Variants in AFG1L observed in about 807,000 individuals in gnomAD.
AFG1L encodes the protein AFG1-like ATPase.
In AFG1L, 53 loss-of-function variants were observed where a neutral mutation model predicts 62.2. That is an observed-to-expected ratio of 0.85 (90% CI 0.68 to 1.07). The LOEUF is 1.07. Ranked by LOEUF, AFG1L falls within the 50% of genes least tolerant of loss-of-function variation. The probability of loss-of-function intolerance (pLI) is 0.00; values close to 1 mark genes in which losing one functional copy is unlikely to be tolerated. For synonymous variants in AFG1L, 228 were observed against 210.3 expected, an observed-to-expected ratio of 1.08 and a Z score of -0.73; for missense variants, 555 against 590.5, an observed-to-expected ratio of 0.94 and a Z score of 0.62.
chr6:108,381,194 A>G (rs1233316897), intron 6 of AFG1L, among the ~76,000 whole-genome samples: 1 of 152,238 alleles, frequency 6.6e-6, no homozygotes, highest in Non-Finnish European at 1.5e-5. Context: ...CCATAGGAAT[A>G]GGAAATTATT....
At chr6:108,309,046 T>C (rs1294458384) in intron 1 of AFG1L, among the ~76,000 whole-genome samples, 1 of 152,198 alleles carries the variant, frequency 6.6e-6, no homozygotes, top group East Asian at 1.9e-4. Flanking sequence ...TTTAGCAATC[T>C]TTTTGTGTGT....
intron 8 of AFG1L, 100 bp from the exon 9 acceptor site, chr6:108,476,765 C>G: frequency 1.3e-6 from 1 of 745,958 alleles, no homozygotes; most frequent in East Asian, 2.7e-5. Context: ...ACATCCTGTT[C>G]TTTTTTTTTA....
In AFG1L at chr6:108,313,119, C is replaced by T. The variant is rs918627163; in HGVS notation, c.140-10706C>T. On this transcript the variant is annotated intron_variant, in intron 1 of 12. Coordinates refer to ENST00000368977, the MANE Select transcript of AFG1L (RefSeq NM_145315.5). ...CAGGGTGGTGATCACATGCTCAGTC[C>T]ACCATGGAGAACAACGTTATCATGA... Among the ~76,000 whole-genome samples the T allele has an allele frequency of 2.0e-5, 3 of 152,272 alleles. No homozygotes were observed. The South Asian group carries it at 6.2e-4, about 32-fold the overall frequency.
intron 7 of AFG1L, among the ~76,000 whole-genome samples, chr6:108,419,573 G>T (rs951128049): frequency 1.3e-5 from 2 of 151,994 alleles, no homozygotes; most frequent in Non-Finnish European, 2.9e-5. Flanking sequence ...TTATTTGTTC[G>T]GTTTAAATAT....
intron 3 of AFG1L, among the ~76,000 whole-genome samples, chr6:108,348,810 G>A (rs959676561): frequency 6.6e-6 from 1 of 152,116 alleles, no homozygotes; most frequent in African/African-American, 2.4e-5. Flanking sequence ...TTAAGTCATC[G>A]CTAAAATCAA....
intron 2 of AFG1L, among the ~76,000 whole-genome samples, chr6:108,334,282 G>T (rs1454059353): frequency 6.6e-6 from 1 of 152,084 alleles, no homozygotes; most frequent in Non-Finnish European, 1.5e-5. Flanking sequence ...TGGGATTACA[G>T]GTGTGAGCCA....
intron 7 of AFG1L, among the ~76,000 whole-genome samples, chr6:108,434,497 T>C (rs758789852): frequency 1.3e-4 from 20 of 152,194 alleles, no homozygotes; most frequent in Non-Finnish European, 2.8e-4. Flanking sequence ...GCTCTGTTGA[T>C]CTATCCACTT....
At chr6:108,454,347 G>A (rs1329944915) in intron 8 of AFG1L, among the ~76,000 whole-genome samples, 1 of 152,204 alleles carries the variant, frequency 6.6e-6, no homozygotes, top group Non-Finnish European at 1.5e-5. Flanking sequence ...AGATAATAGA[G>A]CATATTCCCA....
chr6:108,382,275 C>T (rs1300709325), intron 6 of AFG1L, among the ~76,000 whole-genome samples: 1 of 152,134 alleles, frequency 6.6e-6, no homozygotes, highest in African/African-American at 2.4e-5. Flanking sequence ...GCTGGGATTA[C>T]AGGTGTGAGC....
At chr6:108,413,631 G>C (rs955978944) in intron 7 of AFG1L, among the ~76,000 whole-genome samples, 14 of 152,078 alleles carry the variant, frequency 9.2e-5, no homozygotes, top group Admixed American at 1.3e-4. Context: ...AACCACTCAA[G>C]TACATGGAAA....
chr6:108,413,530 C>T (rs149328941), intron 7 of AFG1L, among the ~76,000 whole-genome samples: 15,195 of 152,180 alleles, frequency 0.1, 1,094 homozygotes, highest in African/African-American at 0.2. Flanking sequence ...AAGCACTCCT[C>T]AGCAAATGTA....
At position 108,295,135 on chromosome 6, in the gene AFG1L, TGA is replaced by T; in HGVS notation, c.60_61del (p.Gly21GlufsTer59). ...CTGCGCCCCTTAGCACAGAGCCCGC[TGA>T]GAGGGAGATGTGTTGGGTGCGGGGC... On this transcript the variant is annotated frameshift_variant, in exon 1 of 13. Transcript: ENST00000368977. LOFTEE classifies it high-confidence loss of function. 7.4e-6 allele frequency: 12 copies of T among 1,610,786 alleles called. No individual in the cohort carries two copies. The highest frequency in any genetic ancestry group is 1.0e-5 in the Non-Finnish European group (12 of 1,179,648).
intron 10 of AFG1L, among the ~76,000 whole-genome samples, chr6:108,500,181 T>C (rs1048008091): frequency 5.4e-5 from 8 of 149,046 alleles, no homozygotes; most frequent in African/African-American, 2.0e-4. Context: ...CGTGTGTGTG[T>C]GTGTGTGTGT....
intron 1 of AFG1L, among the ~76,000 whole-genome samples, chr6:108,306,987 T>C (rs1332917745): frequency 1.3e-5 from 2 of 152,150 alleles, no homozygotes; most frequent in Admixed American, 1.3e-4. Flanking sequence ...TTTTTCTGTT[T>C]AAACATAAAT....
At chr6:108,310,876 G>A (rs1245259006) in intron 1 of AFG1L, among the ~76,000 whole-genome samples, 1 of 152,142 alleles carries the variant, frequency 6.6e-6, no homozygotes, top group Non-Finnish European at 1.5e-5. Flanking sequence ...ATTGTGCCTG[G>A]AAGTTAATAT....
chr6:108,353,233 C>T (rs764371070), intron 3 of AFG1L, among the ~76,000 whole-genome samples: 1 of 150,722 alleles, frequency 6.6e-6, no homozygotes, highest in Non-Finnish European at 1.5e-5. Context: ...TAGCTCACTG[C>T]AACCTTGAAC....
At chr6:108,427,020 A>C (rs2114703430) in intron 7 of AFG1L, among the ~76,000 whole-genome samples, 1 of 152,268 alleles carries the variant, frequency 6.6e-6, no homozygotes, top group South Asian at 2.1e-4. Context: ...CCTTAGTCTG[A>C]GTTATACTTT....
At chr6:108,488,977 T>C (rs906504320) in intron 10 of AFG1L, among the ~76,000 whole-genome samples, 1 of 152,144 alleles carries the variant, frequency 6.6e-6, no homozygotes, top group Non-Finnish European at 1.5e-5. Flanking sequence ...TACCTATTGA[T>C]CACCTCTGCA....
intron 11 of AFG1L, among the ~76,000 whole-genome samples, chr6:108,518,025 G>A (rs1774972037): frequency 6.6e-6 from 1 of 152,206 alleles, no homozygotes; most frequent in East Asian, 1.9e-4. Context: ...AGAGGATGTG[G>A]AGAAATAGGA....
Sources: allele counts gnomAD v4.1 joint callset (sites outside exome capture counted in the v4.1 genomes callset), GRCh38; gene constraint gnomAD v4.1.1; transcripts MANE v1.5; gene names NCBI Gene and HGNC (gene_info 2026-07-23, HGNC 2026-07-21).